The following PMF1 variants were observed in gnomAD, a reference collection of about 807,000 sequenced individuals.
PMF1 encodes polyamine modulated factor 1, also known as polyamine-modulated factor 1.
In PMF1, 21 loss-of-function variants were observed where a neutral mutation model predicts 26.7. The observed-to-expected ratio is 0.79, with a 90% CI of 0.56 to 1.13. The LOEUF (loss-of-function observed/expected upper bound fraction) is 1.13, where lower values mean the gene tolerates loss of function less well. Among genes scored for constraint, PMF1 ranks in the 50% most tolerant of loss-of-function variants. The pLI is 0.00. For missense variants in PMF1, 266 were observed against 254.9 expected (o/e 1.04, Z -0.30); for synonymous variants, 105 against 101.0 (o/e 1.04, Z -0.24).
In PMF1 at chr1:156,213,163, G is replaced by A; in HGVS notation, c.148G>A (p.Val50Ile). The A allele has an allele frequency of 6.2e-7, 1 of 1,613,118 alleles. No individual in the cohort carries two copies. The highest frequency in any genetic ancestry group is 8.5e-7 in the Non-Finnish European group (1 of 1,179,162). The change falls in exon 1 of 5, where the codon GTC (valine) becomes ATC (isoleucine). Residue 50 changes from valine to isoleucine, a missense_variant. Coordinates refer to ENST00000368277, the MANE Select transcript of PMF1 (RefSeq NM_007221.4). ...GGTGGACACTTTTCTTCAGAAGCTGGTCGCCGCCGGCAGGTAAAGTGGACG... is the reference window on the plus strand; with the variant it reads ...GGTGGACACTTTTCTTCAGAAGCTGATCGCCGCCGGCAGGTAAAGTGGACG... ...TMVDTFLQKLVAAGSYQRFTD... is the reference protein window; with the variant it reads ...TMVDTFLQKLIAAGSYQRFTD...
At chr1:156,228,942 T>C (rs939241591) in intron 1 of PMF1, among the ~76,000 whole-genome samples, 1 of 152,176 alleles carries the variant, frequency 6.6e-6, no homozygotes, top group African/African-American at 2.4e-5. Context: ...GGAGTCTTGC[T>C]GTGTCGCCCA....
intron 1 of PMF1, among the ~76,000 whole-genome samples, chr1:156,214,899 G>T (rs901199121): frequency 1.0e-4 from 15 of 148,270 alleles, no homozygotes; most frequent in Admixed American, 4.0e-4. Flanking sequence ...TTTTTTTTAG[G>T]CAGTGTCTAG....
At chr1:156,230,457 G>A (rs1658628104) in intron 1 of PMF1, among the ~76,000 whole-genome samples, 1 of 152,202 alleles carries the variant, frequency 6.6e-6, no homozygotes, top group South Asian at 2.1e-4. Flanking sequence ...TCTACTGGAA[G>A]CTCTGGGAGG....
intron 1 of PMF1, among the ~76,000 whole-genome samples, chr1:156,216,666 G>C (rs1044871635): frequency 6.6e-6 from 1 of 151,684 alleles, no homozygotes; most frequent in African/African-American, 2.4e-5. Context: ...AAGGCGGCGA[G>C]GGCTACCCTG....
intron 1 of PMF1, among the ~76,000 whole-genome samples, chr1:156,226,250 C>T (rs1214973428): frequency 6.6e-6 from 1 of 152,194 alleles, no homozygotes; most frequent in Non-Finnish European, 1.5e-5. Context: ...AGTGATCCTC[C>T]TGCGTTGGCC....
At chr1:156,236,610 G>A in intron 4 of PMF1, 127 bp downstream of exon 4, 7 of 1,249,504 alleles carry the variant, frequency 5.6e-6, no homozygotes, top group African/African-American at 1.5e-5. Flanking sequence ...GCCCCCTGGG[G>A]AACAGTCATG....
In PMF1 at chr1:156,239,607, C is replaced by T. The variant is rs1244553771; in HGVS notation, c.*6C>T. The T allele has an allele frequency of 6.2e-7, 1 of 1,611,206 alleles. No individual in the cohort carries two copies. Among genetic ancestry groups the T allele is most frequent in the South Asian group, 1.1e-5 (1 of 90,842 alleles). ...TGCTGAGGGAGCCTGAGTGAGGAGA[C>T]CGCCAGCCCCAGAAGCAGAGGGCAG... On this transcript the variant is annotated 3_prime_UTR_variant, in exon 5 of 5. Transcript: ENST00000368277.
rs1658856799 is a variant in PMF1, at chr1:156,233,842, C to T, written c.368+114C>T. 2.6e-5 allele frequency: 27 copies of T among 1,028,824 alleles called. No individual in the cohort carries two copies. The South Asian group carries it at 2.7e-4, about 10-fold the overall frequency. 63.7% of individuals were successfully genotyped at this position (1,028,824 alleles called of 1,614,324 possible). A position where few individuals can be genotyped will look rare whatever the true frequency, so the allele number is the denominator to read the frequency against. On this transcript the variant is annotated intron_variant, in intron 3 of 4. Coordinates refer to ENST00000368277, the MANE Select transcript of PMF1 (RefSeq NM_007221.4). Reference sequence around the variant, plus strand: ...TGTTGGCCAGGCTGGTCACAAACTCCTGGCCTTAAGCTGTCCTCCCACCTT... The same window carrying T: ...TGTTGGCCAGGCTGGTCACAAACTCTTGGCCTTAAGCTGTCCTCCCACCTT...
intron 1 of PMF1, among the ~76,000 whole-genome samples, chr1:156,226,433 C>T (rs1658375050): frequency 1.3e-5 from 2 of 152,190 alleles, no homozygotes; most frequent in South Asian, 4.1e-4. Flanking sequence ...GGTTCTTACC[C>T]CTGCTGGGTT....
At chr1:156,217,727 CAAAAA>C (rs10659605) in intron 1 of PMF1, among the ~76,000 whole-genome samples, 2 of 83,340 alleles carry the variant, frequency 2.4e-5, no homozygotes, top group African/African-American at 7.8e-5. Flanking sequence ...GTCTCCAACT[CAAAAA>C]AAAAAAAAAA....
chr1:156,238,175 A>C (rs1659146623), intron 4 of PMF1, among the ~76,000 whole-genome samples: 2 of 152,230 alleles, frequency 1.3e-5, no homozygotes, highest in African/African-American at 4.8e-5. Context: ...TGTTTTGGTT[A>C]CTAGAGCCTT....
rs1265995914 is a variant in PMF1, at chr1:156,233,796, T to TC, written c.368+69dup. On this transcript the variant is annotated intron_variant, in intron 3 of 4. Transcript: ENST00000368277. ...AGCAATTAAGCTTTTTTTTTTTTTT[T>TC]CTAGAGTCAGGGTCTCACTATGTTG... 3 of 1,406,092 alleles carry TC rather than the reference T, an allele frequency of 2.1e-6. No individual in the cohort carries two copies. In the East Asian group the frequency reaches 7.1e-5, roughly 33 times the overall value. The allele number at this position is 1,406,092 out of a possible 1,614,324, so 87.1% of individuals were successfully genotyped here. A position where few individuals can be genotyped will look rare whatever the true frequency, so the allele number is the denominator to read the frequency against.
chr1:156,213,030 T>C lies in PMF1; in HGVS notation c.15T>C (p.Ser5=), dbSNP rs1326603401. ...TCAACTTCAACATGGCCGAAGCAAG[T>C]AGCGCCAATCTAGGCAGCGGCTGTG... MAEA[S]SANLGSGCEE... The change falls in exon 1 of 5, where the codon AGT becomes AGC. Residue 5 remains serine (S), a synonymous_variant. Coordinates refer to ENST00000368277, the MANE Select transcript of PMF1 (RefSeq NM_007221.4). 2 of 1,614,072 alleles carry C rather than the reference T, an allele frequency of 1.2e-6. No homozygotes were observed. Among genetic ancestry groups the C allele is most frequent in the Non-Finnish European group, 1.7e-6 (2 of 1,180,016 alleles).
chr1:156,215,688 G>A (rs762992979), intron 1 of PMF1, among the ~76,000 whole-genome samples: 9 of 152,062 alleles, frequency 5.9e-5, no homozygotes, highest in South Asian at 4.2e-4. Flanking sequence ...CACAGTGCCC[G>A]TCCCATTTAT....
intron 1 of PMF1, 72 bp downstream of exon 1, chr1:156,213,248 C>T (rs1216124806): frequency 1.3e-6 from 2 of 1,566,752 alleles, no homozygotes; most frequent in South Asian, 1.2e-5. Flanking sequence ...TCAGGACGGC[C>T]GCAGGCTGGC....
intron 1 of PMF1, among the ~76,000 whole-genome samples, chr1:156,221,107 T>C (rs1386071436): frequency 6.6e-6 from 1 of 152,178 alleles, no homozygotes; most frequent in Non-Finnish European, 1.5e-5. Flanking sequence ...TCCTCTTCTC[T>C]TGTCCTTTAA....
At position 156,236,322 on chromosome 1, in the gene PMF1, A is replaced by G. The variant is rs751868897; in HGVS notation, c.403A>G (p.Ser135Gly). The G allele has an allele frequency of 1.1e-5, 18 of 1,614,026 alleles. No individual in the cohort carries two copies. In the South Asian group the frequency reaches 1.9e-4, roughly 17 times the overall value. The change falls in exon 4 of 5, where the codon AGT (serine) becomes GGT (glycine). Residue 135 changes from serine (S) to glycine (G), a missense_variant. Ser to Gly is a moderately conservative substitution (Grantham distance 56). Transcript: ENST00000368277. Reference protein sequence around the residue: ...PSGIPEKDLHSVMAPYFLQQR... With the variant: ...PSGIPEKDLHGVMAPYFLQQR... ...CGGGATCCCAGAGAAGGATCTGCAC[A>G]GTGTTATGGCACCCTACTTCCTGCA...
At chr1:156,213,279 G>A (rs1025916690) in intron 1 of PMF1, 103 bp downstream of exon 1, 3 of 1,516,626 alleles carry the variant, frequency 2.0e-6, no homozygotes, top group African/African-American at 1.4e-5. Flanking sequence ...GTGGGTCCGC[G>A]TTGGGGGCGG....
At chr1:156,230,042 A>C (rs1658606858) in intron 1 of PMF1, among the ~76,000 whole-genome samples, 1 of 152,126 alleles carries the variant, frequency 6.6e-6, no homozygotes, top group African/African-American at 2.4e-5. Context: ...GTTTCCAAAA[A>C]CATTGTTTGG....
Sources: gnomAD v4.1 joint callset for allele counts (sites outside exome capture counted in the v4.1 genomes callset) on GRCh38, gnomAD v4.1.1 for gene constraint, MANE v1.5 for transcripts, NCBI Gene and HGNC (gene_info 2026-07-23, HGNC 2026-07-21) for gene names.